The following SEMA4G variants were observed in gnomAD, a reference collection of about 807,000 sequenced individuals.
SEMA4G encodes semaphorin-4G.
Under a neutral mutation model 81.2 loss-of-function variants are expected in SEMA4G, and 59 were observed. That is an observed-to-expected ratio of 0.73 (90% confidence interval 0.59 to 0.90). SEMA4G has a LOEUF of 0.90. Among genes scored for constraint, SEMA4G ranks in the 40% least tolerant of loss-of-function variants. The probability of loss-of-function intolerance (pLI) is 0.00; values close to 1 mark genes in which losing one functional copy is unlikely to be tolerated. For synonymous variants in SEMA4G, 404 were observed against 433.9 expected, an observed-to-expected ratio of 0.93 and a Z score of 0.86; for missense variants, 952 against 1,102.3, an observed-to-expected ratio of 0.86 and a Z score of 1.93.
At position 100,973,467 on chromosome 10, in the gene SEMA4G, C is replaced by T; in HGVS notation, c.274-80C>T. ...GATCCCCACCCCAATTTCCCCAACTCTGTGGGGTCCTATTGCCTGGTCCTA... is the reference window on the plus strand; with the variant it reads ...GATCCCCACCCCAATTTCCCCAACTTTGTGGGGTCCTATTGCCTGGTCCTA... On this transcript the variant is annotated intron_variant, in intron 2 of 13. Coordinates refer to ENST00000370250, the Ensembl canonical transcript of SEMA4G. The surrounding 1 kb of genome is among the most constrained non-coding windows in gnomAD (Gnocchi z 5.5). 1 of 1,493,894 alleles carries T rather than the reference C, an allele frequency of 6.7e-7. No homozygotes were observed. Among genetic ancestry groups the T allele is most frequent in the South Asian group, 1.2e-5 (1 of 86,290 alleles). The allele number at this position is 1,493,894 out of a possible 1,614,324, so 92.5% of individuals were successfully genotyped here.
Position 100,973,341 on chromosome 10 carries a change from A to T in SEMA4G, c.273+64A>T. The T allele has an allele frequency of 6.3e-7, 1 of 1,587,792 alleles. No individual in the cohort carries two copies. Among genetic ancestry groups the T allele is most frequent in the Non-Finnish European group, 8.6e-7 (1 of 1,167,614 alleles). On this transcript the variant is annotated intron_variant, in intron 2 of 13. Transcript: ENST00000370250. This position sits in a 1 kb window ranked among gnomAD's most constrained non-coding sequence, Gnocchi z 5.5. ...TGCTTATCCAGCTCCCTGGGACCTC[A>T]ACTTCCTTAAAACCCTGCCAGCCTT...
chr10:100,975,585 C>T (rs550603817), intron 3 of SEMA4G, among the ~76,000 whole-genome samples: 15 of 152,252 alleles, frequency 9.9e-5, no homozygotes, highest in African/African-American at 2.9e-4. Context: ...CCGCTGGGCA[C>T]GGTGGCTCAG....
intron 4 of SEMA4G, chr10:100,978,032 T>C (rs896119336): frequency 1.4e-5 from 8 of 572,078 alleles, no homozygotes; most frequent in Non-Finnish European, 2.2e-5. Flanking sequence ...TTCCACAGGA[T>C]GGGCTAGGGG....
chr10:100,984,540 C>T (rs1015510000), exon 14 of SEMA4G: 28 of 1,536,068 alleles, frequency 1.8e-5, no homozygotes, highest in Non-Finnish European at 2.4e-5. Context: ...CTCTGCATGG[C>T]CCTGTGTGCT....
rs763691852 is a variant in SEMA4G at position 100,983,734 on chromosome 10, G to A, written c.2120G>A (p.Gly707Glu). Reference sequence around the variant, plus strand: ...GCCTGTCTGCGGGAAGGCAGACGAGGGCGCCGACGGAAATACTCACTGGGT... The same window carrying A: ...GCCTGTCTGCGGGAAGGCAGACGAGAGCGCCGACGGAAATACTCACTGGGT... Residue 707 changes from glycine (G) to glutamate (E), a missense_variant, in exon 14 of 14, where the codon GGG becomes GAG. Transcript: ENST00000370250. The A allele has an allele frequency of 1.1e-5, 18 of 1,613,254 alleles. No individual in the cohort carries two copies. The South Asian group carries it at 1.5e-4, about 14-fold the overall frequency.
In SEMA4G at chr10:100,973,506, T is replaced by C. The variant is rs150008965; in HGVS notation, c.274-41T>C. ...TGCCTGGTCCTATGAGTAATAGGTA[T>C]TGGGGTCAGTGCATCAGCCTATTCC... On this transcript the variant is annotated intron_variant, in intron 2 of 13. Coordinates refer to ENST00000370250, the Ensembl canonical transcript of SEMA4G. This position sits in a 1 kb window ranked among gnomAD's most constrained non-coding sequence, Gnocchi z 5.5. 5.3e-5 allele frequency: 84 copies of C among 1,593,132 alleles called. No individual in the cohort carries two copies. The African/African-American group carries it at 1.1e-3, about 20-fold the overall frequency.
At chr10:100,984,193 G>GCCTCCCTAACACAGCCAC in exon 14 of SEMA4G, 2 of 1,538,234 alleles carry the variant, frequency 1.3e-6, no homozygotes, top group Non-Finnish European at 1.7e-6. Flanking sequence ...CTGGGCCACT[G>GCCTCCCTAACACAGCCAC]CCTCCCTAAC....
At chr10:100,975,476 T>C (rs1009508320) in intron 3 of SEMA4G, among the ~76,000 whole-genome samples, 6 of 152,210 alleles carry the variant, frequency 3.9e-5, no homozygotes, top group Non-Finnish European at 8.8e-5. Context: ...TCCTTCAGGC[T>C]CTAGGAAGTA....
intron 8 of SEMA4G, 56 bp from the exon 10 acceptor site, chr10:100,979,792 G>A (rs1189277104): frequency 1.3e-6 from 2 of 1,597,122 alleles, no homozygotes; most frequent in Non-Finnish European, 8.5e-7. Context: ...AGCACGAGTT[G>A]GGGGGCAGGC....
chr10:100,980,528 G>A (rs1160496711), intron 10 of SEMA4G, 50 bp from the exon 12 acceptor site: 4 of 1,528,396 alleles, frequency 2.6e-6, no homozygotes, highest in East Asian at 4.5e-5. Flanking sequence ...GCAGGGTGCT[G>A]AGAGCAGATC....
At chr10:100,984,853 A>T (rs546548368), downstream of SEMA4G, 3 of 1,499,030 alleles carry the variant, frequency 2.0e-6, no homozygotes, top group African/African-American at 2.8e-5. Flanking sequence ...GCCCTTGTGA[A>T]TCAGCCTCCC....
chr10:100,979,750 G>C (rs911579877), intron 8 of SEMA4G, 98 bp from the exon 10 acceptor site: 29 of 1,398,546 alleles, frequency 2.1e-5, no homozygotes, highest in Admixed American at 3.5e-5. Flanking sequence ...CTATAGCTGG[G>C]GTTGGCCAGG....
chr10:100,981,373 G>C (rs1851063629), intron 13 of SEMA4G, 144 bp downstream of exon 14: 1 of 1,608,404 alleles, frequency 6.2e-7, no homozygotes, highest in Non-Finnish European at 8.5e-7. Flanking sequence ...GCCTGGCACA[G>C]AGTAAGTGCT....
downstream of SEMA4G, chr10:100,985,310 G>A (rs1174615834): frequency 6.0e-6 from 1 of 167,644 alleles, no homozygotes; most frequent in African/African-American, 2.4e-5. Flanking sequence ...CAGGGGCCAG[G>A]GGCCTCTGAA....
upstream of SEMA4G, among the ~76,000 whole-genome samples, chr10:100,971,170 TCAC>T (rs1159268433): frequency 6.6e-6 from 1 of 152,182 alleles, no homozygotes; most frequent in East Asian, 1.9e-4. Context: ...TTCCTAATAG[TCAC>T]CCATGTGACT....
intron 3 of SEMA4G, chr10:100,975,220 C>T (rs1212059027): frequency 5.8e-6 from 2 of 343,102 alleles, no homozygotes; most frequent in Non-Finnish European, 1.1e-5. Context: ...AATGTATCAC[C>T]CAGGTATATT....
chr10:100,975,535 A>G (rs1265470531), intron 3 of SEMA4G, among the ~76,000 whole-genome samples: 1 of 152,232 alleles, frequency 6.6e-6, no homozygotes, highest in Non-Finnish European at 1.5e-5. Flanking sequence ...TTATTTGACC[A>G]GAGAATTCCT....
At chr10:100,980,841 C>T (rs1261588998) in exon 12 of SEMA4G, 4 of 1,585,942 alleles carry the variant, frequency 2.5e-6, no homozygotes, top group Non-Finnish European at 3.4e-6. Flanking sequence ...TATGTGGGGG[C>T]TCCTAGCGGA....
chr10:100,982,729 T>C (rs1589996760), intron 13 of SEMA4G, among the ~76,000 whole-genome samples: 1 of 151,880 alleles, frequency 6.6e-6, no homozygotes, highest in East Asian at 1.9e-4. Context: ...GAGGTGGAGG[T>C]TGCAGTGAGC....
Sources: gnomAD v4.1 joint callset for allele counts (sites outside exome capture counted in the v4.1 genomes callset) on GRCh38, gnomAD v4.1.1 for gene constraint, Gnocchi (gnomAD v3.1) non-coding constraint, MANE v1.5 for transcripts, NCBI Gene and HGNC (gene_info 2026-07-23, HGNC 2026-07-21) for gene names.